SSU72: variants seen among roughly 807,000 people sequenced by gnomAD.
The protein encoded by SSU72 is SSU72 homolog, RNA polymerase II CTD phosphatase.
SSU72 carries 12 observed loss-of-function variants against 22.7 expected under a neutral mutation model. The observed-to-expected ratio is 0.53, with a 90% CI of 0.34 to 0.86. SSU72 has a LOEUF of 0.86. Ranked by LOEUF, SSU72 falls within the 40% of genes least tolerant of loss-of-function variation. The pLI, the probability that SSU72 is intolerant of heterozygous loss-of-function variation, is 0.02. For synonymous variants in SSU72, 116 were observed against 98.3 expected (o/e 1.18, Z -1.06); for missense variants, 151 against 249.8 (o/e 0.60, Z 2.67).
chr1:1,550,817 G>C (rs987931936), intron 2 of SSU72, among the ~76,000 whole-genome samples: 2 of 152,160 alleles, frequency 1.3e-5, no homozygotes, highest in Non-Finnish European at 1.5e-5. Context: ...CAGCAGGAAG[G>C]CTGCACCCAC....
At chr1:1,551,103 T>C (rs1192086316) in intron 2 of SSU72, among the ~76,000 whole-genome samples, 1 of 152,144 alleles carries the variant, frequency 6.6e-6, no homozygotes, top group Non-Finnish European at 1.5e-5. Flanking sequence ...GTGGGTTAAA[T>C]GTCCACACCC....
rs1426707091 is a variant in SSU72, at chr1:1,554,279, T to C, written c.225-9277A>G. Among the ~76,000 whole-genome samples the C allele has an allele frequency of 2.0e-5, 3 of 147,054 alleles. No individual in the cohort carries two copies. Among genetic ancestry groups the C allele is most frequent in the Admixed American group, 2.0e-4 (3 of 14,752 alleles). ...GACCACTCGGGGGCCCCCACGAAGC[T>C]GAGCACGAGACGGATCCGGACCACT... On this transcript the variant is annotated intron_variant, in intron 2 of 4. Coordinates refer to ENST00000291386, the MANE Select transcript of SSU72 (RefSeq NM_014188.3). The surrounding 1 kb of genome is among the most constrained non-coding windows in gnomAD (Gnocchi z 4.1).
At position 1,541,846 on chromosome 1, in the gene SSU72, A is replaced by T. The variant is rs956423466; in HGVS notation, c.*220T>A. On this transcript the variant is annotated 3_prime_UTR_variant, in exon 5 of 5. Coordinates refer to ENST00000291386, the MANE Select transcript of SSU72 (RefSeq NM_014188.3). ...TTTCCTTTTTGGTTAAAGAAGAAAA[A>T]CTTTGTAATCAATATCCTGCTCATA... 5 of 542,734 alleles carry T rather than the reference A, an allele frequency of 9.2e-6. No homozygotes were observed. Among genetic ancestry groups the T allele is most frequent in the Non-Finnish European group, 1.3e-5 (4 of 302,086 alleles). 33.6% of individuals were successfully genotyped at this position (542,734 alleles called of 1,614,324 possible).
chr1:1,544,628 CAAAA>C (rs1642369313), intron 3 of SSU72: 1 of 584,900 alleles, frequency 1.7e-6, no homozygotes, highest in Admixed American at 3.0e-5. Flanking sequence ...AAAAACAAAA[CAAAA>C]AAACACCAAG....
intron 2 of SSU72, among the ~76,000 whole-genome samples, chr1:1,549,677 A>G (rs1357051230): frequency 2.0e-5 from 3 of 151,750 alleles, no homozygotes; most frequent in African/African-American, 2.4e-5. Context: ...TGACTCTACT[A>G]AAGTACAAAA....
intron 2 of SSU72, among the ~76,000 whole-genome samples, chr1:1,553,595 G>C (rs1249633182): frequency 1.5e-5 from 2 of 131,418 alleles, no homozygotes; most frequent in Non-Finnish European, 1.6e-5. Flanking sequence ...CTAACACGGT[G>C]AAACCCTGTC....
intron 1 of SSU72, among the ~76,000 whole-genome samples, chr1:1,571,617 T>C (rs1642732469): frequency 6.6e-6 from 1 of 152,130 alleles, no homozygotes; most frequent in African/African-American, 2.4e-5. Flanking sequence ...AAGAATTCAT[T>C]ATTCAGAGGT....
chr1:1,574,714 C>G lies in SSU72; in HGVS notation c.-157G>C. ...TGCGGCGACTGCGCGGCGGCCTCCC[C>G]GCCCACCCTGGGCGCCGGGCCGCGG... On this transcript the variant is annotated 5_prime_UTR_variant, in exon 1 of 5. Transcript: ENST00000291386. 9.8e-6 allele frequency: 6 copies of G among 614,728 alleles called. No individual in the cohort carries two copies. The highest frequency in any genetic ancestry group is 1.5e-5 in the Non-Finnish European group (6 of 410,168). The allele number at this position is 614,728 out of a possible 1,614,324, so 38.1% of individuals were successfully genotyped here. A position where few individuals can be genotyped will look rare whatever the true frequency, so the allele number is the denominator to read the frequency against.
chr1:1,559,644 C>G (rs1642561598), intron 2 of SSU72, among the ~76,000 whole-genome samples: 1 of 152,200 alleles, frequency 6.6e-6, no homozygotes, highest in South Asian at 2.1e-4. Flanking sequence ...GCTGCAGCCT[C>G]TGCCTCCTGG....
intron 2 of SSU72, among the ~76,000 whole-genome samples, chr1:1,550,939 C>A (rs1642448721): frequency 6.6e-6 from 1 of 152,096 alleles, no homozygotes; most frequent in Non-Finnish European, 1.5e-5. Context: ...TTAAGCTGGA[C>A]TGAGTTGGGC....
intron 2 of SSU72, chr1:1,564,552 C>G: frequency 6.4e-7 from 1 of 1,567,770 alleles, no homozygotes; most frequent in Non-Finnish European, 8.6e-7. Flanking sequence ...GAACCCCACA[C>G]CGTGTCTGTG....
intron 2 of SSU72, among the ~76,000 whole-genome samples, chr1:1,553,220 C>CGAGG (rs1382331417): frequency 1.3e-5 from 2 of 152,156 alleles, no homozygotes; most frequent in African/African-American, 2.4e-5. Context: ...ACCCTCAGCA[C>CGAGG]TGCTGCCAGC....
At chr1:1,569,695 C>T (rs147701054) in intron 1 of SSU72, among the ~76,000 whole-genome samples, 77 of 152,180 alleles carry the variant, frequency 5.1e-4, no homozygotes, top group African/African-American at 1.7e-3. Flanking sequence ...GTAATGATAG[C>T]GGGTCTCACT....
chr1:1,568,789 T>G (rs546974026), intron 1 of SSU72, among the ~76,000 whole-genome samples: 3 of 151,970 alleles, frequency 2.0e-5, no homozygotes, highest in Non-Finnish European at 2.9e-5. Context: ...CCAGGCGTGG[T>G]GGCTCATGCC....
chr1:1,542,952 G>A lies in SSU72; in HGVS notation c.484-785C>T, dbSNP rs1278384737. On this transcript the variant is annotated intron_variant, in intron 4 of 4. Transcript: ENST00000291386. This position sits in a 1 kb window ranked among gnomAD's most constrained non-coding sequence, Gnocchi z 4.4. ...TGCGGCCACACAGCAGCTTCTCCCA[G>A]CGCCCGCCCGCCTGGCTCCCGGGCT... is the stretch of plus-strand genomic sequence containing the variant. Among the ~76,000 whole-genome samples the A allele has an allele frequency of 6.6e-6, 1 of 152,206 alleles. No individual in the cohort carries two copies. Among genetic ancestry groups the A allele is most frequent in the Non-Finnish European group, 1.5e-5 (1 of 68,034 alleles).
chr1:1,574,433 G>A (rs748683536), intron 1 of SSU72, 45 bp downstream of exon 1: 1 of 1,552,594 alleles, frequency 6.4e-7, no homozygotes, highest in Non-Finnish European at 8.7e-7. Context: ...AGGGAGGGCC[G>A]GTCGCCGGAG....
chr1:1,551,652 C>G (rs1642457258), intron 2 of SSU72, among the ~76,000 whole-genome samples: 1 of 152,240 alleles, frequency 6.6e-6, no homozygotes, highest in Non-Finnish European at 1.5e-5. Flanking sequence ...TGCCCACCAG[C>G]CTTTCTCGAC....
intron 2 of SSU72, among the ~76,000 whole-genome samples, chr1:1,555,540 G>A (rs1176367457): frequency 2.0e-5 from 3 of 152,224 alleles, no homozygotes; most frequent in East Asian, 3.9e-4. Context: ...TGTGCCACAA[G>A]CGTGGACGGC....
intron 1 of SSU72, among the ~76,000 whole-genome samples, chr1:1,569,208 A>G (rs963972900): frequency 2.6e-5 from 4 of 152,116 alleles, no homozygotes; most frequent in Admixed American, 2.6e-4. Context: ...CAAAAAAACA[A>G]AAACAAAAAG....
Sources: gnomAD v4.1 joint callset for allele counts (sites outside exome capture counted in the v4.1 genomes callset) on GRCh38, gnomAD v4.1.1 for gene constraint, Gnocchi (gnomAD v3.1) non-coding constraint, MANE v1.5 for transcripts, NCBI Gene and HGNC (gene_info 2026-07-23, HGNC 2026-07-21) for gene names.